Variants in SLC44A5 observed in about 807,000 individuals in gnomAD.
The protein encoded by SLC44A5 is solute carrier family 44 member 5.
Under a neutral mutation model 101.8 loss-of-function variants are expected in SLC44A5, and 57 were observed. That is an observed-to-expected ratio of 0.56 (90% CI 0.45 to 0.70). The LOEUF (loss-of-function observed/expected upper bound fraction) is 0.70, where lower values mean the gene tolerates loss of function less well. Ranked by LOEUF, SLC44A5 falls within the 30% of genes least tolerant of loss-of-function variation. SLC44A5 has a pLI of 0.00. For synonymous variants in SLC44A5, 281 were observed against 290.9 expected, an observed-to-expected ratio of 0.97 and a Z score of 0.35; for missense variants, 737 against 853.1, an observed-to-expected ratio of 0.86 and a Z score of 1.70.
intron 5 of SLC44A5, among the ~76,000 whole-genome samples, chr1:75,299,417 T>A (rs1392667447): frequency 6.6e-6 from 1 of 152,206 alleles, no homozygotes; most frequent in Non-Finnish European, 1.5e-5. Context: ...TTTCTCTTAT[T>A]GGAAGATAAA....
chr1:75,400,036 C>T (rs960182236), intron 2 of SLC44A5, among the ~76,000 whole-genome samples: 13 of 152,236 alleles, frequency 8.5e-5, no homozygotes, highest in African/African-American at 2.2e-4. Context: ...ATAGCAGCAA[C>T]GTGGGTGAAG....
At chr1:75,680,578 A>T in the SLC44A5 span, among the ~76,000 whole-genome samples, 1 of 151,532 alleles carries the variant, frequency 6.6e-6, no homozygotes, top group East Asian at 1.9e-4. Context: ...ACAAAGACAC[A>T]ACATACCAGA....
intron 2 of SLC44A5, among the ~76,000 whole-genome samples, chr1:75,424,687 A>AGGTTTGC (rs1664203717): frequency 6.6e-6 from 1 of 152,204 alleles, no homozygotes; most frequent in Non-Finnish European, 1.5e-5. Context: ...TGATTTTGTG[A>AGGTTTGC]GGTTTGCTTT....
chr1:75,642,495 G>GA, the SLC44A5 span, among the ~76,000 whole-genome samples: 1 of 151,748 alleles, frequency 6.6e-6, no homozygotes, highest in African/African-American at 2.4e-5. Context: ...GTCTATGTCT[G>GA]AAAAAAAATG....
At chr1:75,566,534 A>C (rs555926439) in intron 1 of SLC44A5, among the ~76,000 whole-genome samples, 80 of 152,334 alleles carry the variant, frequency 5.3e-4, no homozygotes, top group African/African-American at 1.9e-3. Flanking sequence ...ATTATCTCTA[A>C]CAACTTTGTG....
Position 75,345,747 on chromosome 1 carries a change from CA to C in SLC44A5, c.53-6118del, listed in dbSNP as rs1658205458. On this transcript the variant is annotated intron_variant, in intron 3 of 23. Transcript: ENST00000370859. ...ATGCCTAGGGAACAAGACATGACAG[CA>C]GTTAGAGGAATTAAGCACATTACCA... is the stretch of plus-strand genomic sequence containing the variant. 3.3e-5 allele frequency among the ~76,000 whole-genome samples: 5 copies of C among 152,066 alleles called. No homozygotes were observed. The South Asian group carries it at 1.0e-3, about 32-fold the overall frequency.
At chr1:75,523,315 G>A (rs1204133415) in intron 2 of SLC44A5, among the ~76,000 whole-genome samples, 1 of 152,002 alleles carries the variant, frequency 6.6e-6, no homozygotes, top group Non-Finnish European at 1.5e-5. Context: ...ATATAATCTT[G>A]AGCAAGAAAT....
At chr1:75,586,540 AT>A (rs59339576) in intron 1 of SLC44A5, among the ~76,000 whole-genome samples, 98,629 of 148,892 alleles carry the variant, frequency 0.66, 33,482 homozygotes, top group East Asian at 0.84. Context: ...CTGGAGTTTG[AT>A]TTTTTTTTTT....
intron 1 of SLC44A5, among the ~76,000 whole-genome samples, chr1:75,545,724 C>A (rs1035338515): frequency 1.3e-5 from 2 of 152,038 alleles, no homozygotes; most frequent in African/African-American, 2.4e-5. Flanking sequence ...ATTGATTATT[C>A]TTCTGAATAA....
At chr1:75,489,278 A>T (rs544105860) in intron 2 of SLC44A5, among the ~76,000 whole-genome samples, 2 of 152,348 alleles carry the variant, frequency 1.3e-5, no homozygotes, top group South Asian at 4.1e-4. Context: ...GGAGAGGAGG[A>T]GTCAGAAAGC....
upstream of SLC44A5, among the ~76,000 whole-genome samples, chr1:75,614,942 GC>G (rs2102195099): frequency 1.3e-5 from 2 of 152,182 alleles, no homozygotes; most frequent in South Asian, 4.1e-4. Context: ...TGCGACCTCT[GC>G]GAGTCCGCGC....
At chr1:75,246,215 A>G (rs759911256) in intron 7 of SLC44A5, among the ~76,000 whole-genome samples, 14 of 152,082 alleles carry the variant, frequency 9.2e-5, no homozygotes, top group Non-Finnish European at 1.6e-4. Flanking sequence ...TGGGAGAGTG[A>G]ATTACATTGA....
At chr1:75,621,404 G>A in the SLC44A5 span, among the ~76,000 whole-genome samples, 4 of 152,124 alleles carry the variant, frequency 2.6e-5, no homozygotes, top group South Asian at 2.1e-4. Context: ...CTACGTGGAA[G>A]TATTAAGTAA....
chr1:75,688,611 G>T, the SLC44A5 span, among the ~76,000 whole-genome samples: 1 of 152,146 alleles, frequency 6.6e-6, no homozygotes, highest in African/African-American at 2.4e-5. Context: ...GACCTCAAAA[G>T]CCCTCCCATT....
chr1:75,495,036 G>A (rs1668597685), intron 2 of SLC44A5, among the ~76,000 whole-genome samples: 1 of 152,134 alleles, frequency 6.6e-6, no homozygotes, highest in South Asian at 2.1e-4. Flanking sequence ...TGGGAGAGAT[G>A]GCTGTCTTAC....
intron 6 of SLC44A5, among the ~76,000 whole-genome samples, chr1:75,257,061 G>C (rs1275045627): frequency 2.0e-5 from 3 of 152,124 alleles, no homozygotes; most frequent in African/African-American, 7.2e-5. Context: ...CCAGTGAAAG[G>C]AAAGTGTGGG....
chr1:75,394,872 A>T (rs895360677), intron 3 of SLC44A5, among the ~76,000 whole-genome samples: 1 of 152,036 alleles, frequency 6.6e-6, no homozygotes, highest in Admixed American at 6.6e-5. Context: ...TGCACCCCAG[A>T]TCTTAGGATC....
At chr1:75,612,282 A>G (rs1280050537), upstream of SLC44A5, among the ~76,000 whole-genome samples, 1 of 152,132 alleles carries the variant, frequency 6.6e-6, no homozygotes, top group African/African-American at 2.4e-5. Context: ...TAGCAAGTGA[A>G]TATCCAATGG....
At position 75,322,320 on chromosome 1, in the gene SLC44A5, A is replaced by G. The variant is rs555559046; in HGVS notation, c.101+17262T>C. On this transcript the variant is annotated intron_variant, in intron 4 of 23. Coordinates refer to ENST00000370859, the MANE Select transcript of SLC44A5 (RefSeq NM_001130058.2). ...GAGCGAGACTCCATCTCAAAAAAAGAGCATGGTTTACAATGACATCCAATA... is the reference window on the plus strand; with the variant it reads ...GAGCGAGACTCCATCTCAAAAAAAGGGCATGGTTTACAATGACATCCAATA... Among the ~76,000 whole-genome samples the G allele has an allele frequency of 2.0e-5, 3 of 152,192 alleles. No homozygotes were observed. In the East Asian group the frequency reaches 5.8e-4, roughly 29 times the overall value.
Sources: allele counts gnomAD v4.1 joint callset (sites outside exome capture counted in the v4.1 genomes callset), GRCh38; gene constraint gnomAD v4.1.1; transcripts MANE v1.5; gene names NCBI Gene and HGNC (gene_info 2026-07-23, HGNC 2026-07-21).